EFEMP1: variants seen among roughly 807,000 people sequenced by gnomAD.
EFEMP1 encodes the protein EGF-containing fibulin-like extracellular matrix protein 1.
A neutral mutation model predicts 65.7 loss-of-function variants in EFEMP1; 18 were observed. The observed-to-expected ratio is 0.27, with a 90% CI of 0.19 to 0.41. The LOEUF is 0.41. EFEMP1 is among the 10% of genes least tolerant of loss of function. The pLI, the probability that EFEMP1 is intolerant of heterozygous loss-of-function variation, is 1.00. For missense variants in EFEMP1, 469 were observed against 624.8 expected, an observed-to-expected ratio of 0.75 and a Z score of 2.66; for synonymous variants, 237 against 219.7, an observed-to-expected ratio of 1.08 and a Z score of -0.70.
intron 5 of EFEMP1, among the ~76,000 whole-genome samples, chr2:55,895,735 G>T (rs1007429149): frequency 4.0e-5 from 6 of 151,560 alleles, no homozygotes; most frequent in Non-Finnish European, 8.8e-5. Context: ...TAGAGACGGG[G>T]TTTCACTGTG....
intron 6 of EFEMP1, 125 bp downstream of exon 6, chr2:55,881,487 A>C (rs1669237106): frequency 2.3e-5 from 29 of 1,266,380 alleles, no homozygotes; most frequent in Non-Finnish European, 3.1e-5. Context: ...GGTAGTCTAT[A>C]AAAAAATAAG....
At chr2:55,895,543 TC>T (rs1159829224) in intron 5 of EFEMP1, among the ~76,000 whole-genome samples, 2 of 136,198 alleles carry the variant, frequency 1.5e-5, no homozygotes, top group East Asian at 2.0e-4. Context: ...CCACAAATTA[TC>T]TTTTTTTTTT....
At chr2:55,916,997 C>T (rs1670715315) in intron 5 of EFEMP1, among the ~76,000 whole-genome samples, 1 of 152,164 alleles carries the variant, frequency 6.6e-6, no homozygotes. Context: ...GAAACGTCGT[C>T]AAATGAGAGC....
chr2:55,905,859 C>T (rs1670245622), intron 5 of EFEMP1, among the ~76,000 whole-genome samples: 1 of 152,170 alleles, frequency 6.6e-6, no homozygotes. Context: ...GACTGACATT[C>T]TAATAGTCCA....
chr2:55,911,179 G>T (rs1340811822), intron 5 of EFEMP1, among the ~76,000 whole-genome samples: 1 of 152,052 alleles, frequency 6.6e-6, no homozygotes, highest in African/African-American at 2.4e-5. Context: ...CATGTCCTTG[G>T]TTCAGGGATA....
chr2:55,923,104 T>G lies in EFEMP1; in HGVS notation c.-48-165A>C, dbSNP rs941047887. Reference sequence around the variant, plus strand: ...CAGCACAAACTCTCAAAGTGGCATTTCCACGCCTTTCTCTGCGCACAGCTT... The same window carrying G: ...CAGCACAAACTCTCAAAGTGGCATTGCCACGCCTTTCTCTGCGCACAGCTT... On this transcript the variant is annotated intron_variant, in intron 1 of 11. Transcript: ENST00000355426. This position sits in a 1 kb window ranked among gnomAD's most constrained non-coding sequence, Gnocchi z 5.3. Among the ~76,000 whole-genome samples, 7 of 152,220 alleles carry G rather than the reference T, an allele frequency of 4.6e-5. No individual in the cohort carries two copies. Among genetic ancestry groups the G allele is most frequent in the African/African-American group, 1.7e-4 (7 of 41,462 alleles).
chr2:55,918,388 T>C lies in EFEMP1; in HGVS notation c.82-121A>G. 11 of 1,136,680 alleles carry C rather than the reference T, an allele frequency of 9.7e-6. No individual in the cohort carries two copies. In the South Asian group the frequency reaches 1.0e-4, roughly 10 times the overall value. 70.4% of individuals were successfully genotyped at this position (1,136,680 alleles called of 1,614,324 possible). On this transcript the variant is annotated intron_variant, in intron 3 of 11. Transcript: ENST00000355426. ...AATCCTTGTGCTAAAGTCCTAGATATATGATGAGATGGGTGGTTTAACATT... is the reference window on the plus strand; with the variant it reads ...AATCCTTGTGCTAAAGTCCTAGATACATGATGAGATGGGTGGTTTAACATT...
At chr2:55,888,563 G>T (rs918073107) in intron 5 of EFEMP1, among the ~76,000 whole-genome samples, 7 of 151,870 alleles carry the variant, frequency 4.6e-5, no homozygotes, top group South Asian at 4.2e-4. Flanking sequence ...GGTCTCAAAC[G>T]CCTGACCTTG....
chr2:55,871,808 A>C lies in EFEMP1; in HGVS notation c.1001-685T>G, dbSNP rs1170137161. 6.6e-6 allele frequency among the ~76,000 whole-genome samples: 1 copy of C among 152,098 alleles called. No individual in the cohort carries two copies. Among genetic ancestry groups the C allele is most frequent in the Non-Finnish European group, 1.5e-5 (1 of 67,992 alleles). On this transcript the variant is annotated intron_variant, in intron 9 of 11. Transcript: ENST00000355426. The surrounding 1 kb of genome is among the most constrained non-coding windows in gnomAD (Gnocchi z 4.2). Reference sequence around the variant, plus strand: ...TGTCCAGAGGAAGCACAGCACAGGAAGTGAAACTATGAAGTGTTCCACCTC... The same window carrying C: ...TGTCCAGAGGAAGCACAGCACAGGACGTGAAACTATGAAGTGTTCCACCTC...
Position 55,917,641 on chromosome 2 carries a change from G to A in EFEMP1, c.517+24C>T, listed in dbSNP as rs920558446. ...TGCACTTGGGCAAAAGCTTTCAATGGTTAGGAAAATAAGTTATTCCTACCT... is the reference window on the plus strand; with the variant it reads ...TGCACTTGGGCAAAAGCTTTCAATGATTAGGAAAATAAGTTATTCCTACCT... On this transcript the variant is annotated intron_variant, in intron 5 of 11. Transcript: ENST00000355426. The surrounding 1 kb of genome is among the most constrained non-coding windows in gnomAD (Gnocchi z 6.3). 1 of 1,614,008 alleles carries A rather than the reference G, an allele frequency of 6.2e-7. No individual in the cohort carries two copies. The highest frequency in any genetic ancestry group is 1.7e-4 in the Middle Eastern group (1 of 6,058).
chr2:55,893,358 T>C (rs1159209316), intron 5 of EFEMP1, among the ~76,000 whole-genome samples: 4 of 152,176 alleles, frequency 2.6e-5, no homozygotes, highest in Admixed American at 2.6e-4. Flanking sequence ...GTTGATCTTT[T>C]TAGAAAGTCT....
In EFEMP1 at chr2:55,871,996, C is replaced by T. The variant is rs1668828003; in HGVS notation, c.1001-873G>A. Reference sequence around the variant, plus strand: ...TTACCTCAGGCTGGACAAAGATTGACTTTAAATTTGGGAATCAGAAGCCTC... The same window carrying T: ...TTACCTCAGGCTGGACAAAGATTGATTTTAAATTTGGGAATCAGAAGCCTC... On this transcript the variant is annotated intron_variant, in intron 9 of 11. Coordinates refer to ENST00000355426, the MANE Select transcript of EFEMP1 (RefSeq NM_001039348.3). The surrounding 1 kb of genome is among the most constrained non-coding windows in gnomAD (Gnocchi z 4.2). Among the ~76,000 whole-genome samples, 1 of 151,976 alleles carries T rather than the reference C, an allele frequency of 6.6e-6. No individual in the cohort carries two copies. The highest frequency in any genetic ancestry group is 2.4e-5 in the African/African-American group (1 of 41,372).
chr2:55,911,819 A>G (rs1223093454), intron 5 of EFEMP1, among the ~76,000 whole-genome samples: 1 of 152,218 alleles, frequency 6.6e-6, no homozygotes, highest in Non-Finnish European at 1.5e-5. Context: ...AGCAATTTTA[A>G]GAACACTTTC....
At position 55,886,475 on chromosome 2, in the gene EFEMP1, T is replaced by C. The variant is rs915308990; in HGVS notation, c.518-4741A>G. Reference sequence around the variant, plus strand: ...CAAGTTGGTGATACTTCTTGATCTGTGTGGATTTAAAACCTTATTATACCT... The same window carrying C: ...CAAGTTGGTGATACTTCTTGATCTGCGTGGATTTAAAACCTTATTATACCT... On this transcript the variant is annotated intron_variant, in intron 5 of 11. Transcript: ENST00000355426. This position sits in a 1 kb window ranked among gnomAD's most constrained non-coding sequence, Gnocchi z 4.0. Among the ~76,000 whole-genome samples the C allele has an allele frequency of 2.0e-5, 3 of 152,218 alleles. No homozygotes were observed. Among genetic ancestry groups the C allele is most frequent in the African/African-American group, 7.2e-5 (3 of 41,460 alleles).
At chr2:55,913,529 A>G (rs1034518837) in intron 5 of EFEMP1, among the ~76,000 whole-genome samples, 5 of 152,126 alleles carry the variant, frequency 3.3e-5, no homozygotes, top group Non-Finnish European at 7.4e-5. Flanking sequence ...TAATTTTTTT[A>G]AAGTTCAATT....
chr2:55,875,926 G>A (rs182720712), intron 8 of EFEMP1, among the ~76,000 whole-genome samples: 3 of 152,058 alleles, frequency 2.0e-5, no homozygotes, highest in East Asian at 3.9e-4. Flanking sequence ...GGCCTCTCTC[G>A]GTGGGGTTTG....
chr2:55,877,541 C>T lies in EFEMP1; in HGVS notation c.760+205G>A, dbSNP rs1011049542. On this transcript the variant is annotated intron_variant, in intron 7 of 11. Transcript: ENST00000355426. The surrounding 1 kb of genome is among the most constrained non-coding windows in gnomAD (Gnocchi z 4.5). ...TTGTTGATCTATCCACAGAGGAGAA[C>T]TAAAACCAAAGTTAAAAAGTTTTCT... Among the ~76,000 whole-genome samples, 8 of 152,252 alleles carry T rather than the reference C, an allele frequency of 5.3e-5. No homozygotes were observed. The South Asian group carries it at 1.2e-3, about 24-fold the overall frequency.
chr2:55,895,100 G>A (rs544424511), intron 5 of EFEMP1, among the ~76,000 whole-genome samples: 1 of 152,340 alleles, frequency 6.6e-6, no homozygotes, highest in East Asian at 1.9e-4. Context: ...GCCCAGTGCT[G>A]AGGCTCTCTA....
Position 55,922,755 on chromosome 2 carries a change from A to C in EFEMP1, c.-8+144T>G, listed in dbSNP as rs1670949853. The C allele has an allele frequency of 1.7e-6, 1 of 578,168 alleles. No homozygotes were observed. Among genetic ancestry groups the C allele is most frequent in the Middle Eastern group, 6.6e-4 (1 of 1,510 alleles). 35.8% of individuals were successfully genotyped at this position (578,168 alleles called of 1,614,324 possible). On this transcript the variant is annotated intron_variant, in intron 2 of 11. Transcript: ENST00000355426. The surrounding 1 kb of genome is among the most constrained non-coding windows in gnomAD (Gnocchi z 5.5). ...CTGCACCTACAAAGCAGGCTGCAGA[A>C]AGAGGGGGTCGAAAGGAAAAAACAG...
Sources: gnomAD v4.1 joint callset for allele counts (sites outside exome capture counted in the v4.1 genomes callset) on GRCh38, gnomAD v4.1.1 for gene constraint, Gnocchi (gnomAD v3.1) non-coding constraint, MANE v1.5 for transcripts, NCBI Gene and HGNC (gene_info 2026-07-23, HGNC 2026-07-21) for gene names.